The following LRP1B variants were observed in gnomAD, a reference collection of about 807,000 sequenced individuals.
LRP1B encodes the protein low-density lipoprotein receptor-related protein 1B.
Under a neutral mutation model 556.6 loss-of-function variants are expected in LRP1B, and 217 were observed. That is an observed-to-expected ratio of 0.39 (90% confidence interval 0.35 to 0.44). The LOEUF (loss-of-function observed/expected upper bound fraction) is 0.44, where lower values mean the gene tolerates loss of function less well. LRP1B is among the 20% of genes least tolerant of loss of function. The probability of loss-of-function intolerance (pLI) is 1.00; values close to 1 mark genes in which losing one functional copy is unlikely to be tolerated. For missense variants in LRP1B, 5,053 were observed against 5,620.8 expected, an observed-to-expected ratio of 0.90 and a Z score of 3.23; for synonymous variants, 2,047 against 1,865.8, an observed-to-expected ratio of 1.10 and a Z score of -2.50.
intron 3 of LRP1B, among the ~76,000 whole-genome samples, chr2:141,428,915 T>C (rs1239440126): frequency 1.3e-5 from 2 of 152,216 alleles, no homozygotes; most frequent in Non-Finnish European, 2.9e-5. Flanking sequence ...GATTACTTCA[T>C]GCTCCTTGAA....
At chr2:140,698,485 C>G (rs1574254236) in intron 41 of LRP1B, among the ~76,000 whole-genome samples, 1 of 151,826 alleles carries the variant, frequency 6.6e-6, no homozygotes, top group Non-Finnish European at 1.5e-5. Flanking sequence ...GAAATAATAA[C>G]AAGAAATCAT....
chr2:140,304,791 C>G (rs1683994135), intron 83 of LRP1B, among the ~76,000 whole-genome samples: 1 of 152,090 alleles, frequency 6.6e-6, no homozygotes, highest in Admixed American at 6.6e-5. Context: ...GGTTTTAGGT[C>G]TAACGTTTAA....
chr2:140,495,318 T>TA (rs1003800964), intron 56 of LRP1B, among the ~76,000 whole-genome samples: 30 of 151,090 alleles, frequency 2.0e-4, no homozygotes, highest in Non-Finnish European at 1.3e-4. Context: ...TAGTTCTTTT[T>TA]TTTTTTTTTT....
intron 25 of LRP1B, among the ~76,000 whole-genome samples, chr2:140,871,348 T>C (rs1232905940): frequency 4.8e-5 from 7 of 147,146 alleles, no homozygotes; most frequent in Non-Finnish European, 9.1e-5. Context: ...ACACACATAT[T>C]GATAGAGAAT....
intron 3 of LRP1B, among the ~76,000 whole-genome samples, chr2:141,414,728 G>T (rs1006493888): frequency 6.6e-6 from 1 of 152,190 alleles, no homozygotes; most frequent in Non-Finnish European, 1.5e-5. Context: ...TCCTGTTTCT[G>T]ATTCTTAATA....
intron 2 of LRP1B, among the ~76,000 whole-genome samples, chr2:141,681,361 G>C (rs1293315992): frequency 6.6e-6 from 1 of 151,642 alleles, no homozygotes. Context: ...AAAAATTCAA[G>C]GTAAGTCTCA....
chr2:141,948,289 A>C lies in LRP1B; in HGVS notation c.83-137888T>G, dbSNP rs543511433. 6.2e-4 allele frequency among the ~76,000 whole-genome samples: 94 copies of C among 151,988 alleles called. No homozygotes were observed. In the South Asian group the frequency reaches 0.019, roughly 32 times the overall value. ...ACTCCAGCCTGGGAGACAGAGAAAG[A>C]CTCCATTTTAAAATAAATAAATAAA... On this transcript the variant is annotated intron_variant, in intron 1 of 90. Transcript: ENST00000389484.
chr2:141,461,346 A>G (rs1352425276), intron 3 of LRP1B, among the ~76,000 whole-genome samples: 1 of 152,184 alleles, frequency 6.6e-6, no homozygotes, highest in East Asian at 1.9e-4. Flanking sequence ...TACAGATACT[A>G]CTGATGAACT....
chr2:141,347,737 T>C (rs1164348427), intron 3 of LRP1B, among the ~76,000 whole-genome samples: 1 of 151,980 alleles, frequency 6.6e-6, no homozygotes, highest in African/African-American at 2.4e-5. Flanking sequence ...TGATGAAGAG[T>C]AGTTATTCAG....
At chr2:141,431,113 G>A (rs1250756186) in intron 3 of LRP1B, among the ~76,000 whole-genome samples, 1 of 143,266 alleles carries the variant, frequency 7.0e-6, no homozygotes, top group Non-Finnish European at 1.6e-5. Context: ...GCTAGCCTGA[G>A]CAAGAGAGTG....
intron 7 of LRP1B, among the ~76,000 whole-genome samples, chr2:141,164,367 G>T (rs1262110605): frequency 3.3e-5 from 5 of 151,914 alleles, no homozygotes; most frequent in African/African-American, 1.2e-4. Flanking sequence ...TCCATCAATG[G>T]TCACACTAAA....
At chr2:140,444,483 T>C (rs1458911976) in intron 64 of LRP1B, 34 bp from the exon 65 acceptor site, 1 of 1,613,450 alleles carries the variant, frequency 6.2e-7, no homozygotes, top group Non-Finnish European at 8.5e-7. Flanking sequence ...AGAGAAAATT[T>C]GTGTCTGAAT....
chr2:140,275,671 T>A lies in LRP1B; in HGVS notation c.12968-1073A>T, dbSNP rs532094463. Among the ~76,000 whole-genome samples the A allele has an allele frequency of 1.8e-4, 27 of 152,098 alleles. No homozygotes were observed. In the South Asian group the frequency reaches 5.4e-3, roughly 30 times the overall value. On this transcript the variant is annotated intron_variant, in intron 84 of 90. Transcript: ENST00000389484. ...GCAAACTGGGAGACTAACTGATCCA[T>A]CATTCATGGGGAATAATAACAGAAA...
intron 1 of LRP1B, among the ~76,000 whole-genome samples, chr2:142,046,582 A>G (rs1345359156): frequency 1.3e-5 from 2 of 152,024 alleles, no homozygotes; most frequent in Non-Finnish European, 2.9e-5. Context: ...CAATTTTCTG[A>G]GTAAACAAAA....
At chr2:140,363,131 T>A (rs192485203) in intron 72 of LRP1B, among the ~76,000 whole-genome samples, 2 of 151,780 alleles carry the variant, frequency 1.3e-5, no homozygotes, top group African/African-American at 2.4e-5. Context: ...CTATCATTGC[T>A]GGAAATAGAG....
intron 3 of LRP1B, among the ~76,000 whole-genome samples, chr2:141,278,502 T>C (rs1330337192): frequency 2.6e-5 from 4 of 152,170 alleles, no homozygotes; most frequent in Non-Finnish European, 4.4e-5. Flanking sequence ...TAACTACATG[T>C]ACTGGGTCAC....
At chr2:140,233,525 C>T (rs1573659114) in intron 90 of LRP1B, among the ~76,000 whole-genome samples, 199 bp from the exon 91 acceptor site, 2 of 151,032 alleles carry the variant, frequency 1.3e-5, no homozygotes, top group East Asian at 3.9e-4. Context: ...TTAAATGAAA[C>T]ATAATTTTAC....
chr2:141,139,169 C>T (rs1574114881), intron 7 of LRP1B, among the ~76,000 whole-genome samples: 1 of 151,622 alleles, frequency 6.6e-6, no homozygotes, highest in East Asian at 1.9e-4. Context: ...AGATTCATGC[C>T]TTATACCATA....
At position 141,065,020 on chromosome 2, in the gene LRP1B, A is replaced by G. The variant is rs192587018; in HGVS notation, c.1014-2747T>C. Among the ~76,000 whole-genome samples the G allele has an allele frequency of 2.6e-3, 398 of 152,018 alleles. 1 individual carries two copies. The highest frequency in any genetic ancestry group is 4.4e-3 in the Non-Finnish European group (296 of 67,896). ...AGATAATTTGTATTTTACAGATGAA[A>G]TAGTTTCAAAGCCCTTATCCTTAGT... On this transcript the variant is annotated intron_variant, in intron 7 of 90. Transcript: ENST00000389484.
Sources: gnomAD v4.1 joint callset for allele counts (sites outside exome capture counted in the v4.1 genomes callset) on GRCh38, gnomAD v4.1.1 for gene constraint, MANE v1.5 for transcripts, NCBI Gene and HGNC (gene_info 2026-07-23, HGNC 2026-07-21) for gene names.